TTC28: variants seen among roughly 807,000 people sequenced by gnomAD.
TTC28 encodes tetratricopeptide repeat protein 28.
In TTC28, 61 loss-of-function variants were observed where a neutral mutation model predicts 198.0. The observed-to-expected ratio is 0.31, with a 90% CI of 0.25 to 0.38. The LOEUF (loss-of-function observed/expected upper bound fraction) is 0.38. TTC28 is among the 10% of genes least tolerant of loss of function. TTC28 has a pLI of 1.00. For synonymous variants in TTC28, 1,171 were observed against 1,297.8 expected, an observed-to-expected ratio of 0.90 and a Z score of 2.10; for missense variants, 2,678 against 3,164.0, an observed-to-expected ratio of 0.85 and a Z score of 3.69.
intron 2 of TTC28, among the ~76,000 whole-genome samples, chr22:28,566,050 G>A (rs906216606): frequency 1.3e-5 from 2 of 152,110 alleles, no homozygotes; most frequent in Non-Finnish European, 2.9e-5. Flanking sequence ...TATGGTTTGG[G>A]GGGAGGAATA....
rs552674654 is a variant in TTC28 at position 28,140,092 on chromosome 22, C to A, written c.1441+23000G>T. ...TGGGTGATCTTGGATGTGTGAGTTC[C>A]TCCCCCATAAGGTTGAGAGGGTCTG... On this transcript the variant is annotated intron_variant, in intron 6 of 22. Transcript: ENST00000397906. Among the ~76,000 whole-genome samples, 4 of 152,280 alleles carry A rather than the reference C, an allele frequency of 2.6e-5. No individual in the cohort carries two copies. In the South Asian group the frequency reaches 8.3e-4, roughly 32 times the overall value.
At chr22:28,252,884 A>G (rs1930626533) in intron 5 of TTC28, among the ~76,000 whole-genome samples, 1 of 152,212 alleles carries the variant, frequency 6.6e-6, no homozygotes, top group Admixed American at 6.5e-5. Context: ...AAATGGGTAA[A>G]AAAACACCCA....
At chr22:28,512,550 A>G (rs2048704025) in intron 2 of TTC28, among the ~76,000 whole-genome samples, 1 of 152,254 alleles carries the variant, frequency 6.6e-6, no homozygotes, top group Admixed American at 6.5e-5. Context: ...GATAGACTAG[A>G]TAAAGAAAAT....
chr22:28,407,472 G>GCACACA (rs61622821), intron 2 of TTC28, among the ~76,000 whole-genome samples: 4 of 148,646 alleles, frequency 2.7e-5, no homozygotes, highest in East Asian at 3.9e-4. Flanking sequence ...ACATGCGTGC[G>GCACACA]CACACACACA....
intron 12 of TTC28, among the ~76,000 whole-genome samples, chr22:28,064,540 T>C (rs1382493513): frequency 6.6e-6 from 1 of 152,110 alleles, no homozygotes; most frequent in Non-Finnish European, 1.5e-5. Flanking sequence ...ATACCTGCTT[T>C]TGTTTATTTT....
Position 28,184,447 on chromosome 22 carries a change from G to A in TTC28, c.934-20848C>T, listed in dbSNP as rs139581351. Among the ~76,000 whole-genome samples, 10 of 152,150 alleles carry A rather than the reference G, an allele frequency of 6.6e-5. No individual in the cohort carries two copies. In the East Asian group the frequency reaches 9.7e-4, roughly 15 times the overall value. ...ACAGAAATTATTTGGGCATGCAAGC[G>A]CATAAATATTCCTTTTGGAAATCCC... On this transcript the variant is annotated intron_variant, in intron 5 of 22. Transcript: ENST00000397906.
intron 3 of TTC28, among the ~76,000 whole-genome samples, chr22:28,305,638 T>C (rs1269191579): frequency 6.6e-6 from 1 of 152,160 alleles, no homozygotes; most frequent in Non-Finnish European, 1.5e-5. Flanking sequence ...ACATACCACT[T>C]CAGACTGAAA....
chr22:28,098,276 C>T lies in TTC28; in HGVS notation c.3547+639G>A, dbSNP rs117092232. 1.1e-3 allele frequency among the ~76,000 whole-genome samples: 163 copies of T among 152,282 alleles called. 2 individuals carry two copies. In the East Asian group the frequency reaches 0.025, roughly 24 times the overall value. ...TGTGGATGAGGAAATAGACAAGAGGCCAGGTGTCTTCTCAGGTACTTCCTC... is the reference window on the plus strand; with the variant it reads ...TGTGGATGAGGAAATAGACAAGAGGTCAGGTGTCTTCTCAGGTACTTCCTC... On this transcript the variant is annotated intron_variant, in intron 10 of 22. Transcript: ENST00000397906.
chr22:28,379,152 T>G (rs1454787087), intron 2 of TTC28, among the ~76,000 whole-genome samples: 1 of 152,168 alleles, frequency 6.6e-6, no homozygotes, highest in Admixed American at 6.5e-5. Flanking sequence ...AAAATATTTT[T>G]CAAACATCTA....
rs1293844915 is a variant in TTC28, at chr22:28,054,924, A to G, written c.3933-24558T>C. On this transcript the variant is annotated intron_variant, in intron 12 of 22. Coordinates refer to ENST00000397906, the MANE Select transcript of TTC28 (RefSeq NM_001145418.2). Reference sequence around the variant, plus strand: ...TCTAAAATGTTATCCATAGTTTCACAGAATAGCTGAAAGAGCACCCACAGT... The same window carrying G: ...TCTAAAATGTTATCCATAGTTTCACGGAATAGCTGAAAGAGCACCCACAGT... Among the ~76,000 whole-genome samples, 4 of 152,352 alleles carry G rather than the reference A, an allele frequency of 2.6e-5. No individual in the cohort carries two copies. In the East Asian group the frequency reaches 7.7e-4, roughly 29 times the overall value.
chr22:28,432,905 G>A (rs1307433275), intron 2 of TTC28, among the ~76,000 whole-genome samples: 1 of 152,038 alleles, frequency 6.6e-6, no homozygotes, highest in African/African-American at 2.4e-5. Context: ...TTCTTCTCCT[G>A]TCCCCTCAAA....
intron 2 of TTC28, among the ~76,000 whole-genome samples, chr22:28,367,473 C>T (rs1279120605): frequency 1.3e-5 from 2 of 151,618 alleles, no homozygotes; most frequent in African/African-American, 4.8e-5. Flanking sequence ...TAAGTGCTGA[C>T]ATCAAAAAGA....
chr22:27,985,918 T>G (rs572971008), intron 21 of TTC28: 1 of 154,738 alleles, frequency 6.5e-6, no homozygotes, highest in South Asian at 2.1e-4. Flanking sequence ...TGCTGCTCCC[T>G]AATTCTAAGG....
chr22:28,412,961 T>C (rs1353494029), intron 2 of TTC28, among the ~76,000 whole-genome samples: 1 of 152,222 alleles, frequency 6.6e-6, no homozygotes, highest in Non-Finnish European at 1.5e-5. Context: ...TATGTTCCTT[T>C]TCACAATGAA....
chr22:27,987,192 C>T (rs1258285451), intron 21 of TTC28, among the ~76,000 whole-genome samples: 1 of 152,212 alleles, frequency 6.6e-6, no homozygotes, highest in Non-Finnish European at 1.5e-5. Flanking sequence ...ACCGACTCGC[C>T]CCTTGAGTAT....
At chr22:28,629,932 T>G (rs1344361730) in intron 1 of TTC28, 102 bp from the exon 2 acceptor site, 9 of 1,072,744 alleles carry the variant, frequency 8.4e-6, no homozygotes, top group African/African-American at 1.6e-5. Context: ...CACATTAAAA[T>G]GTGATCCCCA....
At chr22:28,199,960 T>C (rs534970155) in intron 5 of TTC28, among the ~76,000 whole-genome samples, 1 of 152,260 alleles carries the variant, frequency 6.6e-6, no homozygotes, top group African/African-American at 2.4e-5. Flanking sequence ...GTAAAATACA[T>C]AAAAACATTA....
chr22:28,129,641 C>T (rs543820876), intron 6 of TTC28, among the ~76,000 whole-genome samples: 1 of 152,188 alleles, frequency 6.6e-6, no homozygotes, highest in African/African-American at 2.4e-5. Flanking sequence ...GAGTGCCTGG[C>T]GCACAGTGTA....
At chr22:28,122,468 G>GA (rs1318933393) in intron 6 of TTC28, among the ~76,000 whole-genome samples, 3 of 152,082 alleles carry the variant, frequency 2.0e-5, no homozygotes, top group African/African-American at 2.4e-5. Context: ...TAAAAATACA[G>GA]AAAAAATCCC....
Sources: allele counts gnomAD v4.1 joint callset (sites outside exome capture counted in the v4.1 genomes callset), GRCh38; gene constraint gnomAD v4.1.1; transcripts MANE v1.5; gene names NCBI Gene and HGNC (gene_info 2026-07-23, HGNC 2026-07-21).